The following PCDHAC1 variants were observed in gnomAD, a reference collection of about 807,000 sequenced individuals.
The protein encoded by PCDHAC1 is protocadherin alpha subfamily C, 1.
PCDHAC1 carries 42 observed loss-of-function variants against 60.0 expected under a neutral mutation model. The ratio of observed to expected loss-of-function variants is 0.70; its 90% CI spans 0.55 to 0.90. PCDHAC1 has a LOEUF of 0.90. Ranked by LOEUF, PCDHAC1 falls within the 40% of genes least tolerant of loss-of-function variation. PCDHAC1 has a pLI of 0.00. For missense variants in PCDHAC1, 1,160 were observed against 1,222.3 expected (o/e 0.95, Z 0.76); for synonymous variants, 468 against 499.3 (o/e 0.94, Z 0.84).
At chr5:140,957,397 A>C (rs553656426) in intron 1 of PCDHAC1, among the ~76,000 whole-genome samples, 1 of 152,282 alleles carries the variant, frequency 6.6e-6, no homozygotes, top group South Asian at 2.1e-4. Context: ...AATTGTCCTA[A>C]TTTATTATTA....
At chr5:140,992,708 C>T (rs2097525816) in intron 3 of PCDHAC1, among the ~76,000 whole-genome samples, 1 of 152,100 alleles carries the variant, frequency 6.6e-6, no homozygotes, top group African/African-American at 2.4e-5. Context: ...ATGTTCCTGC[C>T]AGTATTCGTA....
intron 1 of PCDHAC1, chr5:140,966,824 A>G (rs1463208532): frequency 1.3e-6 from 2 of 1,559,876 alleles, no homozygotes; most frequent in Admixed American, 1.9e-5. Flanking sequence ...CCGGCGGCCC[A>G]TGCCCTGGCT....
intron 3 of PCDHAC1, among the ~76,000 whole-genome samples, chr5:140,985,438 C>T (rs1438547429): frequency 2.0e-5 from 3 of 152,038 alleles, no homozygotes; most frequent in Non-Finnish European, 2.9e-5. Flanking sequence ...TTAGTTGCTG[C>T]CTGAAGAAAA....
At chr5:140,939,428 G>A (rs1417323934) in intron 1 of PCDHAC1, among the ~76,000 whole-genome samples, 2 of 152,128 alleles carry the variant, frequency 1.3e-5, no homozygotes, top group Admixed American at 6.5e-5. Flanking sequence ...TCTTCCATAA[G>A]CATTTGAAGA....
chr5:140,934,528 G>T (rs782284913), intron 1 of PCDHAC1, among the ~76,000 whole-genome samples: 26 of 152,112 alleles, frequency 1.7e-4, no homozygotes, highest in Non-Finnish European at 2.2e-4. Flanking sequence ...CACTTCGAGA[G>T]CTACCGTTCT....
chr5:140,952,417 C>T (rs2153696080), intron 1 of PCDHAC1, among the ~76,000 whole-genome samples: 1 of 152,190 alleles, frequency 6.6e-6, no homozygotes, highest in Non-Finnish European at 1.5e-5. Flanking sequence ...TAATGTTCCG[C>T]AGATTCCTAC....
chr5:141,005,701 CAAAAAAAAAAAAAAAA>C (rs59860837), intron 3 of PCDHAC1, among the ~76,000 whole-genome samples: 5 of 7,786 alleles, frequency 6.4e-4, no homozygotes, highest in African/African-American at 1.9e-3. Context: ...AACTCCGTCT[CAAAAAAAAAAAAAAAA>C]AAAAAAAAAA....
intron 1 of PCDHAC1, among the ~76,000 whole-genome samples, chr5:140,960,655 T>C (rs2153725891): frequency 6.6e-6 from 1 of 152,296 alleles, no homozygotes; most frequent in East Asian, 1.9e-4. Context: ...TCCAAATCAA[T>C]GAATGCTTTG....
At chr5:140,956,930 A>G (rs2153711573) in intron 1 of PCDHAC1, among the ~76,000 whole-genome samples, 1 of 151,954 alleles carries the variant, frequency 6.6e-6, no homozygotes, top group East Asian at 1.9e-4. Flanking sequence ...TGCTGGATAT[A>G]GGATAAAATT....
At chr5:140,951,737 C>T (rs1223539805) in intron 1 of PCDHAC1, among the ~76,000 whole-genome samples, 1 of 152,130 alleles carries the variant, frequency 6.6e-6, no homozygotes, top group Non-Finnish European at 1.5e-5. Context: ...CATTCTGCCA[C>T]TGCCCTCACC....
intron 1 of PCDHAC1, among the ~76,000 whole-genome samples, chr5:140,951,086 T>A (rs2094547457): frequency 6.6e-6 from 1 of 152,066 alleles, no homozygotes; most frequent in Admixed American, 6.5e-5. Context: ...ATTTTCCTTT[T>A]TTTCTGATAA....
At chr5:140,980,595 A>G (rs2096897056) in intron 2 of PCDHAC1, among the ~76,000 whole-genome samples, 1 of 152,222 alleles carries the variant, frequency 6.6e-6, no homozygotes, top group South Asian at 2.1e-4. Context: ...GAGCCACTGC[A>G]CTCCAGCCTG....
chr5:140,966,854 C>T (rs1554228784), intron 1 of PCDHAC1: 2 of 1,573,744 alleles, frequency 1.3e-6, no homozygotes, highest in Admixed American at 1.8e-5. Context: ...GCCTCTCCTG[C>T]TGCTGTTGCT....
chr5:140,928,202 A>G lies in PCDHAC1; in HGVS notation c.1310A>G (p.Asp437Gly). 6.2e-7 allele frequency: 1 copy of G among 1,614,210 alleles called. No individual in the cohort carries two copies. Among genetic ancestry groups the G allele is most frequent in the Non-Finnish European group, 8.5e-7 (1 of 1,180,044 alleles). The change falls in exon 1 of 4, where the codon GAT becomes GGT. Residue 437 changes from aspartate to glycine, a missense_variant. Asp to Gly is a moderately conservative substitution (Grantham distance 94). Coordinates refer to ENST00000253807, the MANE Select transcript of PCDHAC1 (RefSeq NM_018898.5). ...TRRTITVSVA[D>G]VNDNTPNFPQ... is the part of the protein sequence containing the mutation. ...AGGACAATCACTGTGTCAGTTGCTG[A>G]TGTGAATGACAATACACCAAACTTT...
At chr5:140,944,385 C>T (rs1273075803) in intron 1 of PCDHAC1, among the ~76,000 whole-genome samples, 4 of 152,092 alleles carry the variant, frequency 2.6e-5, no homozygotes, top group Non-Finnish European at 5.9e-5. Flanking sequence ...TGGAGTCTCA[C>T]TGTGTTATCC....
At position 140,929,112 on chromosome 5, in the gene PCDHAC1, C is replaced by A; in HGVS notation, c.2220C>A (p.Ala740=). ...KMVSNPCMTS[A]TIDVTTVERL... ...TTTCAAATCCTTGCATGACATCAGCCACCATAGATGTCACTACAGTTGAGA... is the reference window on the plus strand; with the variant it reads ...TTTCAAATCCTTGCATGACATCAGCAACCATAGATGTCACTACAGTTGAGA... The change falls in exon 1 of 4, where the codon GCC becomes GCA. Residue 740 remains alanine (A), a synonymous_variant. Coordinates refer to ENST00000253807, the MANE Select transcript of PCDHAC1 (RefSeq NM_018898.5). 1 of 1,614,130 alleles carries A rather than the reference C, an allele frequency of 6.2e-7. No individual in the cohort carries two copies. The highest frequency in any genetic ancestry group is 1.1e-5 in the South Asian group (1 of 91,082).
intron 1 of PCDHAC1, among the ~76,000 whole-genome samples, chr5:140,941,214 CCTTTCTTTCTTTCTTT>C (rs60032403): frequency 8.2e-6 from 1 of 122,414 alleles, no homozygotes; most frequent in East Asian, 2.3e-4. Context: ...TTTCTTTCTT[CCTTTCTTTCTTTCTTT>C]CTTTCTTTCT....
At chr5:140,946,452 T>C (rs2093945325) in intron 1 of PCDHAC1, among the ~76,000 whole-genome samples, 1 of 151,436 alleles carries the variant, frequency 6.6e-6, no homozygotes. Flanking sequence ...AAAACAACTA[T>C]CCAGCAATCC....
intron 1 of PCDHAC1, among the ~76,000 whole-genome samples, chr5:140,977,234 A>G (rs2096751203): frequency 1.3e-5 from 2 of 152,242 alleles, no homozygotes; most frequent in Non-Finnish European, 2.9e-5. Flanking sequence ...CCAATCATAG[A>G]AAAATTGGCA....
Sources: allele counts gnomAD v4.1 joint callset (sites outside exome capture counted in the v4.1 genomes callset), GRCh38; gene constraint gnomAD v4.1.1; transcripts MANE v1.5; gene names NCBI Gene and HGNC (gene_info 2026-07-23, HGNC 2026-07-21).